Variants in KIF14 observed in about 807,000 individuals in gnomAD.
KIF14 encodes the protein kinesin family member 14.
KIF14 carries 98 observed loss-of-function variants against 176.2 expected under a neutral mutation model. The ratio of observed to expected loss-of-function variants is 0.56; its 90% confidence interval spans 0.47 to 0.66. KIF14 has a LOEUF of 0.66. Ranked by LOEUF, KIF14 falls within the 30% of genes least tolerant of loss-of-function variation. KIF14 has a pLI of 0.00. For synonymous variants in KIF14, 566 were observed against 632.2 expected (o/e 0.90, Z 1.57); for missense variants, 1,751 against 1,920.4 (o/e 0.91, Z 1.65).
rs767364309 is a variant in KIF14, at chr1:200,554,588, C to T, written c.4447G>A (p.Val1483Ile). Residue 1483 changes from valine (V) to isoleucine (I), a missense_variant, in exon 29 of 30, where the codon GTA (valine) becomes ATA (isoleucine). Val to Ile is a conservative substitution (Grantham distance 29). Coordinates refer to ENST00000367350, the MANE Select transcript of KIF14 (RefSeq NM_014875.3). Reference sequence around the variant, plus strand: ...TGGTATTCAAAGTTTTCTTCTTGTACTTGCCTTCTGAAACTTTTCTGTATA... The same window carrying T: ...TGGTATTCAAAGTTTTCTTCTTGTATTTGCCTTCTGAAACTTTTCTGTATA... ...ESKIKSFRRQ[V>I]QEENFEYQDF... 71 of 1,525,408 alleles carry T rather than the reference C, an allele frequency of 4.7e-5. No individual in the cohort carries two copies. The Admixed American group carries it at 1.2e-3, about 25-fold the overall frequency. 94.5% of individuals were successfully genotyped at this position (1,525,408 alleles called of 1,614,324 possible). A position where few individuals can be genotyped will look rare whatever the true frequency, so the allele number is the denominator to read the frequency against.
Position 200,552,845 on chromosome 1 carries a change from C to A in KIF14, c.*543G>T, listed in dbSNP as rs1399336440. On this transcript the variant is annotated 3_prime_UTR_variant, in exon 30 of 30. Transcript: ENST00000367350. Reference sequence around the variant, plus strand: ...GGTTTCCACTCATGAGAAAATAACCCTTTATAAACGACTAATGAACCAACT... The same window carrying A: ...GGTTTCCACTCATGAGAAAATAACCATTTATAAACGACTAATGAACCAACT... 1 of 151,978 alleles carries A rather than the reference C, an allele frequency of 6.6e-6. No homozygotes were observed. The highest frequency in any genetic ancestry group is 1.5e-5 in the Non-Finnish European group (1 of 68,012). The allele number at this position is 151,978 out of a possible 1,614,324, so 9.4% of individuals were successfully genotyped here.
At chr1:200,619,475 C>T (rs370121519) in intron 1 of KIF14, among the ~76,000 whole-genome samples, 1 of 152,174 alleles carries the variant, frequency 6.6e-6, no homozygotes, top group South Asian at 2.1e-4. Flanking sequence ...GCCTTAGCCT[C>T]CCAAGTAGCT....
chr1:200,566,130 C>T lies in KIF14; in HGVS notation c.3662-461G>A, dbSNP rs186017880. The stretch of plus-strand genomic sequence containing the variant: ...TAAAGTGAAAACACAATTCCATTCA[C>T]GGATCAATTAACCTCTCAACCGCAT... On this transcript the variant is annotated intron_variant, in intron 23 of 29. Coordinates refer to ENST00000367350, the MANE Select transcript of KIF14 (RefSeq NM_014875.3). Among the ~76,000 whole-genome samples the T allele has an allele frequency of 9.2e-5, 14 of 152,252 alleles. 1 individual carries two copies. The East Asian group carries it at 1.9e-3, about 21-fold the overall frequency.
Position 200,565,601 on chromosome 1 carries a change from C to G in KIF14, c.3730G>C (p.Glu1244Gln). The G allele has an allele frequency of 6.2e-7, 1 of 1,612,050 alleles. No individual in the cohort carries two copies. Among genetic ancestry groups the G allele is most frequent in the Non-Finnish European group, 8.5e-7 (1 of 1,179,724 alleles). Residue 1244 changes from glutamate to glutamine, a missense_variant, in exon 24 of 30, where the codon GAA becomes CAA. Physicochemically the swap from Glu to Gln is conservative, Grantham distance 29. Transcript: ENST00000367350. ...AAATCTAACGAAGAACCAATCAATT[C>G]TTTGCAAATTCCAGGAAGAAAGGAC... ...AESFLPGICK[E>Q]LIGSSLDFFG...
At chr1:200,566,184 T>A (rs6688734) in intron 23 of KIF14, among the ~76,000 whole-genome samples, 1 of 152,000 alleles carries the variant, frequency 6.6e-6, no homozygotes, top group African/African-American at 2.4e-5. Context: ...GCTCCCTGAC[T>A]ATACTATGAG....
intron 25 of KIF14, among the ~76,000 whole-genome samples, chr1:200,564,316 A>T (rs1657325531): frequency 6.7e-6 from 1 of 148,492 alleles, no homozygotes; most frequent in Non-Finnish European, 1.5e-5. Flanking sequence ...CACTCCTTCC[A>T]CCCTGCTGTG....
intron 23 of KIF14, among the ~76,000 whole-genome samples, chr1:200,568,151 C>A (rs1439413889): frequency 6.6e-6 from 1 of 152,174 alleles, no homozygotes; most frequent in Non-Finnish European, 1.5e-5. Context: ...CCCCTTCCAC[C>A]ACTCACAGCT....
chr1:200,596,953 T>C (rs1457500753), intron 14 of KIF14, among the ~76,000 whole-genome samples: 1 of 143,422 alleles, frequency 7.0e-6, no homozygotes, highest in Non-Finnish European at 1.5e-5. Context: ...TGAAGTACAG[T>C]GGCATGATGA....
At position 200,551,521 on chromosome 1, in the gene KIF14, T is replaced by C. The variant is rs566646392; in HGVS notation, c.*1867A>G. The C allele has an allele frequency of 6.6e-6, 1 of 152,332 alleles. No individual in the cohort carries two copies. Among genetic ancestry groups the C allele is most frequent in the South Asian group, 2.1e-4 (1 of 4,824 alleles). The allele number at this position is 152,332 out of a possible 1,614,324, so 9.4% of individuals were successfully genotyped here. ...GCAATTCTAATGCTGAAAAGATTTA[T>C]TAAAGGCATTCTCTTTATAACATTT... is the stretch of plus-strand genomic sequence containing the variant. On this transcript the variant is annotated 3_prime_UTR_variant, in exon 30 of 30. Coordinates refer to ENST00000367350, the MANE Select transcript of KIF14 (RefSeq NM_014875.3).
At chr1:200,576,385 A>G (rs993696327) in intron 21 of KIF14, among the ~76,000 whole-genome samples, 5 of 151,424 alleles carry the variant, frequency 3.3e-5, no homozygotes, top group Non-Finnish European at 7.4e-5. Context: ...GGCTGAGGCA[A>G]GAGAATGGCG....
At chr1:200,598,643 C>G (rs1272867249) in intron 13 of KIF14, among the ~76,000 whole-genome samples, 1 of 152,206 alleles carries the variant, frequency 6.6e-6, no homozygotes, top group African/African-American at 2.4e-5. Flanking sequence ...ACTGCAACCT[C>G]TGCCTCCTGG....
chr1:200,591,014 C>A (rs574927546), intron 16 of KIF14, among the ~76,000 whole-genome samples: 1 of 150,336 alleles, frequency 6.7e-6, no homozygotes, highest in East Asian at 2.0e-4. Flanking sequence ...ACGACAGAGC[C>A]AGACTCCATC....
intron 27 of KIF14, among the ~76,000 whole-genome samples, chr1:200,557,701 T>C (rs146845760): frequency 2.8e-4 from 43 of 152,286 alleles, no homozygotes; most frequent in African/African-American, 9.4e-4. Flanking sequence ...TAAGATGAGC[T>C]AGAAGTACAT....
chr1:200,567,281 C>A (rs1232300906), intron 23 of KIF14, among the ~76,000 whole-genome samples: 1 of 151,952 alleles, frequency 6.6e-6, no homozygotes, highest in African/African-American at 2.4e-5. Flanking sequence ...GTGGCTCACG[C>A]CTATAATCCC....
chr1:200,586,609 A>G (rs17482636), intron 18 of KIF14, among the ~76,000 whole-genome samples: 22,929 of 150,698 alleles, frequency 0.15, 2,264 homozygotes, highest in East Asian at 0.39. Context: ...TTTTCTTCCC[A>G]TTGATAGAAG....
At position 200,580,338 on chromosome 1, in the gene KIF14, A is replaced by G. The variant is rs987122473; in HGVS notation, c.3381T>C (p.Val1127=). The G allele has an allele frequency of 5.9e-6, 9 of 1,529,120 alleles. No homozygotes were observed. Among genetic ancestry groups the G allele is most frequent in the Non-Finnish European group, 7.9e-6 (9 of 1,133,174 alleles). 94.7% of individuals were successfully genotyped at this position (1,529,120 alleles called of 1,614,324 possible). A position where few individuals can be genotyped will look rare whatever the true frequency, so the allele number is the denominator to read the frequency against. Residue 1127 remains valine, a synonymous_variant, in exon 21 of 30, where the codon GTT becomes GTC. Transcript: ENST00000367350. ...TTGAGATTCCTAGTTTCAGGTTACG[A>G]ACCCGAATAGAAGTGTCAGAACTAC... ...DKSSSDTSIR[V]RNLKLGISTF...
In KIF14 at chr1:200,560,140, A is replaced by G. The variant is rs149566758; in HGVS notation, c.4230+582T>C. Among the ~76,000 whole-genome samples the G allele has an allele frequency of 3.3e-5, 5 of 152,316 alleles. No homozygotes were observed. In the East Asian group the frequency reaches 9.6e-4, roughly 29 times the overall value. On this transcript the variant is annotated intron_variant, in intron 26 of 29. Transcript: ENST00000367350. ...GCAGATACAAATTATCTGGTATTAC[A>G]ACGTTTTTTCATGTGTTGATTGGCT...
intron 4 of KIF14, among the ~76,000 whole-genome samples, chr1:200,612,011 T>C (rs1037763634): frequency 6.6e-6 from 1 of 151,726 alleles, no homozygotes; most frequent in African/African-American, 2.4e-5. Flanking sequence ...TTTTTTTTTT[T>C]CTTTTTTTTG....
rs1316962098 is a variant in KIF14, at chr1:200,573,417, G to A, written c.3566+2174C>T. Among the ~76,000 whole-genome samples the A allele has an allele frequency of 4.4e-5, 6 of 136,804 alleles. No individual in the cohort carries two copies. In the East Asian group the frequency reaches 1.0e-3, roughly 23 times the overall value. The allele number at this position is 136,804 out of a possible 152,430, so 89.7% of individuals were successfully genotyped here. A position where few individuals can be genotyped will look rare whatever the true frequency, so the allele number is the denominator to read the frequency against. On this transcript the variant is annotated intron_variant, in intron 22 of 29. Transcript: ENST00000367350. ...TACAGACACGTTCCCTACACTCAAG[G>A]AGCTCATTTCTTTTTTTTTTTTTTT...
Sources: allele counts gnomAD v4.1 joint callset (sites outside exome capture counted in the v4.1 genomes callset), GRCh38; gene constraint gnomAD v4.1.1; transcripts MANE v1.5; gene names NCBI Gene and HGNC (gene_info 2026-07-23, HGNC 2026-07-21).